GSK3B: variants seen among roughly 807,000 people sequenced by gnomAD.
GSK3B encodes the protein glycogen synthase kinase 3 beta, also known as glycogen synthase kinase-3 beta.
A neutral mutation model predicts 56.4 loss-of-function variants in GSK3B; 15 were observed. The ratio of observed to expected loss-of-function variants is 0.27; its 90% confidence interval spans 0.18 to 0.41. The LOEUF is 0.41. GSK3B is among the 10% of genes least tolerant of loss of function. GSK3B has a pLI of 1.00. For synonymous variants in GSK3B, 181 were observed against 188.9 expected (o/e 0.96, Z 0.34); for missense variants, 300 against 513.4 (o/e 0.58, Z 4.02).
chr3:119,989,901 A>C (rs924034631), intron 2 of GSK3B, among the ~76,000 whole-genome samples: 1 of 152,194 alleles, frequency 6.6e-6, no homozygotes, highest in African/African-American at 2.4e-5. Flanking sequence ...ACCTGAGACC[A>C]GAAAACTCTC....
intron 1 of GSK3B, among the ~76,000 whole-genome samples, chr3:120,056,657 T>A (rs1433684484): frequency 6.6e-6 from 1 of 152,116 alleles, no homozygotes; most frequent in Non-Finnish European, 1.5e-5. Context: ...TCAATAGTTT[T>A]TAAGAGTACT....
chr3:120,076,080 G>A (rs768702562), intron 1 of GSK3B, among the ~76,000 whole-genome samples: 2 of 152,066 alleles, frequency 1.3e-5, no homozygotes, highest in East Asian at 1.9e-4. Flanking sequence ...AACATAGACC[G>A]TCAACTATGT....
rs896165475 is a variant in GSK3B at position 119,842,921 on chromosome 3, A to AT, written c.1195+333dup. 7.5e-4 allele frequency among the ~76,000 whole-genome samples: 111 copies of AT among 147,672 alleles called. 1 individual carries two copies. The highest frequency in any genetic ancestry group is 3.0e-3 in the South Asian group (14 of 4,660). On this transcript the variant is annotated intron_variant, in intron 10 of 10. Coordinates refer to ENST00000264235, the MANE Select transcript of GSK3B (RefSeq NM_001146156.2). ...TAATCATATCTTTTTGAAAAACAGAATTTTTTTTTTTTGAGATGGAGTCTT... is the reference window on the plus strand; with the variant it reads ...TAATCATATCTTTTTGAAAAACAGAATTTTTTTTTTTTTGAGATGGAGTCTT...
chr3:119,971,854 G>C (rs1022496974), intron 2 of GSK3B, among the ~76,000 whole-genome samples: 4 of 151,440 alleles, frequency 2.6e-5, no homozygotes, highest in African/African-American at 9.7e-5. Context: ...CTCGTGATCC[G>C]CCCGCCTCGG....
chr3:120,021,335 C>A (rs1359734003), intron 1 of GSK3B, among the ~76,000 whole-genome samples: 4 of 148,792 alleles, frequency 2.7e-5, no homozygotes, highest in Non-Finnish European at 5.9e-5. Flanking sequence ...GAAACCCCGT[C>A]TCTACTAAAA....
intron 8 of GSK3B, among the ~76,000 whole-genome samples, chr3:119,868,386 A>G (rs2056209820): frequency 1.3e-5 from 2 of 152,248 alleles, no homozygotes; most frequent in Admixed American, 1.3e-4. Flanking sequence ...GAATTATTCA[A>G]AATAAATTTG....
intron 1 of GSK3B, among the ~76,000 whole-genome samples, chr3:120,048,532 T>A (rs2058122115): frequency 6.6e-6 from 1 of 152,244 alleles, no homozygotes; most frequent in African/African-American, 2.4e-5. Context: ...AGGCTCCTCA[T>A]CTGTTAAGCA....
chr3:120,039,004 A>T (rs1483005098), intron 1 of GSK3B, among the ~76,000 whole-genome samples: 2 of 152,244 alleles, frequency 1.3e-5, no homozygotes, highest in Non-Finnish European at 2.9e-5. Context: ...CAATAATAAA[A>T]CAAATGAATT....
Position 120,094,354 on chromosome 3 carries a change from C to G in GSK3B, c.-920G>C, listed in dbSNP as rs1576325420. 1.0e-5 allele frequency: 3 copies of G among 293,246 alleles called. No individual in the cohort carries two copies. The highest frequency in any genetic ancestry group is 5.5e-5 in the Admixed American group (1 of 18,202). 18.2% of individuals were successfully genotyped at this position (293,246 alleles called of 1,614,324 possible). On this transcript the variant is annotated 5_prime_UTR_variant, in exon 1 of 11. Transcript: ENST00000264235. The stretch of plus-strand genomic sequence containing the variant: ...AGCGGCTGCGGGGCCGGCTCCTCCT[C>G]GCTTCCTTCCTTCCTTTGTCACTTG...
chr3:119,961,090 G>A (rs1448585916), intron 2 of GSK3B, among the ~76,000 whole-genome samples: 4 of 152,002 alleles, frequency 2.6e-5, no homozygotes, highest in Non-Finnish European at 4.4e-5. Context: ...CAAGTCACGA[G>A]CCCCCACCCC....
At chr3:119,876,979 T>C (rs1005586535) in intron 7 of GSK3B, among the ~76,000 whole-genome samples, 1 of 152,154 alleles carries the variant, frequency 6.6e-6, no homozygotes, top group Admixed American at 6.6e-5. Flanking sequence ...TGTTTATATA[T>C]TATCCAGTCT....
chr3:119,872,987 T>C (rs2056267287), intron 8 of GSK3B, among the ~76,000 whole-genome samples: 1 of 152,138 alleles, frequency 6.6e-6, no homozygotes, highest in Non-Finnish European at 1.5e-5. Flanking sequence ...CACTTCCTTT[T>C]CTTTCCATGT....
rs369384384 is a variant in GSK3B, at chr3:119,877,889, C to G, written c.814-1381G>C. ...TTGAGGACTTTGAAGAGAAATACCACATATTACTCATCTTTATAAGACCGT... is the reference window on the plus strand; with the variant it reads ...TTGAGGACTTTGAAGAGAAATACCAGATATTACTCATCTTTATAAGACCGT... On this transcript the variant is annotated intron_variant, in intron 7 of 10. Transcript: ENST00000264235. Among the ~76,000 whole-genome samples, 4 of 152,230 alleles carry G rather than the reference C, an allele frequency of 2.6e-5. No homozygotes were observed. The East Asian group carries it at 7.7e-4, about 29-fold the overall frequency.
intron 1 of GSK3B, among the ~76,000 whole-genome samples, chr3:120,019,836 G>A (rs1328926866): frequency 2.6e-5 from 4 of 152,186 alleles, no homozygotes; most frequent in African/African-American, 9.7e-5. Flanking sequence ...GTGTTCTGGT[G>A]TTAACTACTA....
At chr3:120,002,869 A>T (rs373188740) in intron 1 of GSK3B, among the ~76,000 whole-genome samples, 1 of 152,222 alleles carries the variant, frequency 6.6e-6, no homozygotes, top group African/African-American at 2.4e-5. Context: ...AGGTGAACCC[A>T]TAAGAGTCTG....
intron 7 of GSK3B, among the ~76,000 whole-genome samples, chr3:119,899,139 C>T (rs577545059): frequency 6.6e-6 from 1 of 152,090 alleles, no homozygotes; most frequent in African/African-American, 2.4e-5. Flanking sequence ...CGATGACTAA[C>T]GGGCAGGTAG....
intron 7 of GSK3B, among the ~76,000 whole-genome samples, chr3:119,895,044 CCTGT>C (rs1448827893): frequency 3.9e-5 from 6 of 152,044 alleles, no homozygotes; most frequent in African/African-American, 1.2e-4. Context: ...ATTTGTTCCT[CCTGT>C]CTAACTATAA....
intron 2 of GSK3B, among the ~76,000 whole-genome samples, chr3:119,991,680 A>C (rs2057566754): frequency 6.6e-6 from 1 of 152,124 alleles, no homozygotes; most frequent in Non-Finnish European, 1.5e-5. Flanking sequence ...AAAACTACAG[A>C]CTTTTAAGTT....
In GSK3B at chr3:120,052,107, A is replaced by T. The variant is rs935443274; in HGVS notation, c.88+41240T>A. ...AAACGGGATCTGTGGGTGTTAGAGA[A>T]GTTCAATAAAGAGGGCTACCCCAGA... On this transcript the variant is annotated intron_variant, in intron 1 of 10. Transcript: ENST00000264235. 9.5e-4 allele frequency among the ~76,000 whole-genome samples: 145 copies of T among 152,318 alleles called. 2 individuals are homozygous for T. Among genetic ancestry groups the T allele is most frequent in the Non-Finnish European group, 2.2e-4 (15 of 68,010 alleles).
Sources: gnomAD v4.1 joint callset for allele counts (sites outside exome capture counted in the v4.1 genomes callset) on GRCh38, gnomAD v4.1.1 for gene constraint, MANE v1.5 for transcripts, NCBI Gene and HGNC (gene_info 2026-07-23, HGNC 2026-07-21) for gene names.